DLG4: variants seen among roughly 807,000 people sequenced by gnomAD.
The protein encoded by DLG4 is disks large homolog 4.
A neutral mutation model predicts 93.8 loss-of-function variants in DLG4; 7 were observed. The observed-to-expected ratio is 0.07, with a 90% CI of 0.04 to 0.14. The LOEUF (loss-of-function observed/expected upper bound fraction) is 0.14, where lower values mean the gene tolerates loss of function less well. Ranked by LOEUF, DLG4 falls within the 10% of genes least tolerant of loss-of-function variation. The pLI, the probability that DLG4 is intolerant of heterozygous loss-of-function variation, is 1.00. For synonymous variants in DLG4, 341 were observed against 387.6 expected, an observed-to-expected ratio of 0.88 and a Z score of 1.41; for missense variants, 545 against 992.9, an observed-to-expected ratio of 0.55 and a Z score of 6.06.
chr17:7,194,604 G>T lies in DLG4; in HGVS notation c.1302-109C>A. The T allele has an allele frequency of 8.1e-7, 1 of 1,239,402 alleles. No homozygotes were observed. Among genetic ancestry groups the T allele is most frequent in the Non-Finnish European group, 1.1e-6 (1 of 906,640 alleles). The allele number at this position is 1,239,402 out of a possible 1,614,324, so 76.8% of individuals were successfully genotyped here. ...GTCTGCAGATGGCACTCCCATGGGA[G>T]CTATGGATGCCGAGGAACCCAAAAC... On this transcript the variant is annotated intron_variant, in intron 11 of 19. Transcript: ENST00000399506. The surrounding 1 kb of genome is among the most constrained non-coding windows in gnomAD (Gnocchi z 4.4).
In DLG4 at chr17:7,188,497, C is replaced by T. The variant is rs2069353802; in HGVS notation, c.*2211G>A. On this transcript the variant is annotated 3_prime_UTR_variant, in exon 20 of 20. Coordinates refer to ENST00000399506, the MANE Select transcript of DLG4 (RefSeq NM_001321075.3). ...AGGAATAGTACCCCAGCAGGTGCCC[C>T]CAAAGGTTCATCTGTGCCAAACACA... is the stretch of plus-strand genomic sequence containing the variant. Among the ~76,000 whole-genome samples the T allele has an allele frequency of 6.6e-6, 1 of 152,068 alleles. No individual in the cohort carries two copies. Among genetic ancestry groups the T allele is most frequent in the South Asian group, 2.1e-4 (1 of 4,822 alleles).
Position 7,196,176 on chromosome 17 carries a change from G to C in DLG4, c.1301+44C>G. On this transcript the variant is annotated intron_variant, in intron 11 of 19. Transcript: ENST00000399506. This position sits in a 1 kb window ranked among gnomAD's most constrained non-coding sequence, Gnocchi z 8.3. ...GCCCGGGCCAGGCACAGAGTGCCCAGGAACGCAGAGGGGCTGAGGAGTCCA... is the reference window on the plus strand; with the variant it reads ...GCCCGGGCCAGGCACAGAGTGCCCACGAACGCAGAGGGGCTGAGGAGTCCA... 1 of 1,493,730 alleles carries C rather than the reference G, an allele frequency of 6.7e-7. No homozygotes were observed. The highest frequency in any genetic ancestry group is 9.2e-7 in the Non-Finnish European group (1 of 1,082,148). The allele number at this position is 1,493,730 out of a possible 1,614,324, so 92.5% of individuals were successfully genotyped here.
rs906808498 is a variant in DLG4 at position 7,190,637 on chromosome 17, G to C, written c.*71C>G. 1 of 1,259,806 alleles carries C rather than the reference G, an allele frequency of 7.9e-7. No homozygotes were observed. 78.0% of individuals were successfully genotyped at this position (1,259,806 alleles called of 1,614,324 possible). On this transcript the variant is annotated 3_prime_UTR_variant, in exon 20 of 20. Coordinates refer to ENST00000399506, the MANE Select transcript of DLG4 (RefSeq NM_001321075.3). ...GGAGGCCGGGGGGAGCCAAGGGCTT[G>C]GGCAATTCAGTCCAGACCAAGGGCC...
rs1168961906 is a variant in DLG4 at position 7,191,364 on chromosome 17, A to T, written c.1977-6T>A. On this transcript the variant is annotated splice_polypyrimidine_tract_variant and splice_region_variant and intron_variant, in intron 18 of 19. Transcript: ENST00000399506. This position sits in a 1 kb window ranked among gnomAD's most constrained non-coding sequence, Gnocchi z 6.6. ...TGATCCGCTTGTTAATCTCTCTGTG[A>T]AGAGGGAGGGAGAGCAGGCCTGAGA... 5.6e-6 allele frequency: 9 copies of T among 1,613,374 alleles called. No homozygotes were observed. The highest frequency in any genetic ancestry group is 7.6e-6 in the Non-Finnish European group (9 of 1,179,618).
rs757800485 is a variant in DLG4, at chr17:7,203,772, G to A, written c.255C>T (p.Asn85=). Residue 85 remains asparagine (N), a synonymous_variant, in exon 5 of 20, where the codon AAC becomes AAT. Transcript: ENST00000399506. The surrounding 1 kb of genome is among the most constrained non-coding windows in gnomAD (Gnocchi z 7.2). The part of the protein sequence containing the change: ...LGFSIAGGTD[N]PHIGDDPSIF... The stretch of plus-strand genomic sequence containing the variant: ...TGGATGGGTCGTCACCGATGTGTGG[G>A]TTGTCAGTGCCACCTGCGATGCTGA... The A allele has an allele frequency of 6.2e-7, 1 of 1,613,946 alleles. No individual in the cohort carries two copies. Among genetic ancestry groups the A allele is most frequent in the East Asian group, 2.2e-5 (1 of 44,878 alleles).
At chr17:7,219,065 T>C, upstream of DLG4, 1 of 604,442 alleles carries the variant, frequency 1.7e-6, no homozygotes, top group East Asian at 2.8e-5. Flanking sequence ...CACGCTCTCC[T>C]GAGAAGCCAG....
At position 7,194,353 on chromosome 17, in the gene DLG4, T is replaced by C. The variant is rs2069660416; in HGVS notation, c.1444A>G (p.Thr482Ala). The C allele has an allele frequency of 6.2e-7, 1 of 1,607,760 alleles. No individual in the cohort carries two copies. The highest frequency in any genetic ancestry group is 1.1e-5 in the South Asian group (1 of 89,740). The stretch of plus-strand genomic sequence containing the variant: ...CTGGGGATGAACCCAATGTCGTCGG[T>C]CTCACTGTCAGAGTGGACCCGCCGT... The part of the protein sequence containing the change: ...QARRVHSDSE[T>A]DDIGFIPSKR... The change falls in exon 12 of 20, where the codon ACC (threonine) becomes GCC (alanine). Residue 482 changes from threonine to alanine, a missense_variant. Physicochemically the swap from Thr to Ala is moderately conservative, Grantham distance 58. Around this residue, in one of 5 missense-constraint regions of DLG4, gnomAD observed 428 missense variants for 741.4 expected, o/e 0.58. Transcript: ENST00000399506. The surrounding 1 kb of genome is among the most constrained non-coding windows in gnomAD (Gnocchi z 4.4).
At chr17:7,192,190 G>T (rs2069539036) in intron 17 of DLG4, 188 bp from the exon 18 acceptor site, 1 of 441,472 alleles carries the variant, frequency 2.3e-6, no homozygotes. Context: ...GTAAAAGACA[G>T]AGGGAAAGGA....
rs1250609060 is a variant in DLG4, at chr17:7,194,843, C to A, written c.1302-348G>T. On this transcript the variant is annotated intron_variant, in intron 11 of 19. Transcript: ENST00000399506. The surrounding 1 kb of genome is among the most constrained non-coding windows in gnomAD (Gnocchi z 4.4). ...TCAGGAGATTGAGACCATGGTGAAA[C>A]CCCGTCTCTACTAAAAATACAAAAT... is the stretch of plus-strand genomic sequence containing the variant. Among the ~76,000 whole-genome samples the A allele has an allele frequency of 1.3e-5, 2 of 151,904 alleles. No individual in the cohort carries two copies. The highest frequency in any genetic ancestry group is 2.1e-4 in the South Asian group (1 of 4,800).
chr17:7,205,152 C>G (rs1319904271), intron 2 of DLG4: 1 of 985,378 alleles, frequency 1.0e-6, no homozygotes, highest in Non-Finnish European at 1.2e-6. Flanking sequence ...TCCCCTACGC[C>G]CCTCACCCTA....
At chr17:7,198,069 G>A (rs1345477650) in intron 8 of DLG4, among the ~76,000 whole-genome samples, 2 of 152,254 alleles carry the variant, frequency 1.3e-5, no homozygotes, top group African/African-American at 4.8e-5. Flanking sequence ...ATTATCTAGC[G>A]CCCCATCAGC....
In DLG4 at chr17:7,202,860, C is replaced by T. The variant is rs761155097; in HGVS notation, c.787+43G>A. 9.9e-6 allele frequency: 16 copies of T among 1,610,412 alleles called. 1 individual carries two copies. The highest frequency in any genetic ancestry group is 6.6e-5 in the South Asian group (6 of 90,972). On this transcript the variant is annotated intron_variant, in intron 8 of 19. Coordinates refer to ENST00000399506, the MANE Select transcript of DLG4 (RefSeq NM_001321075.3). ...GTGGGACTGCATGTCATGGGTTAAA[C>T]GGGATGGGTCATGGGGAACTTTGGT...
chr17:7,211,168 C>CT (rs1300316556), intron 1 of DLG4, among the ~76,000 whole-genome samples: 1 of 108,366 alleles, frequency 9.2e-6, no homozygotes, highest in Non-Finnish European at 1.9e-5. Flanking sequence ...AAACTGCAGA[C>CT]TGGGGGGCTG....
upstream of DLG4, chr17:7,219,743 C>G: frequency 6.9e-7 from 1 of 1,449,044 alleles, no homozygotes. Context: ...GACTCTAGGT[C>G]GGACGGGCGG....
Position 7,190,627 on chromosome 17 carries a change from C to T in DLG4, c.*81G>A. 8.6e-7 allele frequency: 1 copy of T among 1,159,830 alleles called. No individual in the cohort carries two copies. Among genetic ancestry groups the T allele is most frequent in the East Asian group, 2.3e-5 (1 of 42,614 alleles). The allele number at this position is 1,159,830 out of a possible 1,614,324, so 71.8% of individuals were successfully genotyped here. A position where few individuals can be genotyped will look rare whatever the true frequency, so the allele number is the denominator to read the frequency against. Reference sequence around the variant, plus strand: ...GGGGTGGGAGGGAGGCCGGGGGGAGCCAAGGGCTTGGGCAATTCAGTCCAG... The same window carrying T: ...GGGGTGGGAGGGAGGCCGGGGGGAGTCAAGGGCTTGGGCAATTCAGTCCAG... On this transcript the variant is annotated 3_prime_UTR_variant, in exon 20 of 20. Transcript: ENST00000399506.
At position 7,190,440 on chromosome 17, in the gene DLG4, CGGGGA is replaced by C. The variant is rs1268194633; in HGVS notation, c.*263_*267del. 4.3e-6 allele frequency: 2 copies of C among 465,126 alleles called. No homozygotes were observed. Among genetic ancestry groups the C allele is most frequent in the Non-Finnish European group, 7.9e-6 (2 of 253,524 alleles). 28.8% of individuals were successfully genotyped at this position (465,126 alleles called of 1,614,324 possible). A position where few individuals can be genotyped will look rare whatever the true frequency, so the allele number is the denominator to read the frequency against. ...TGTGTGCATTGGGGGCAGGTGGGGG[CGGGGA>C]TCCTAAGGAGCAAGGGCTCGGAACA... On this transcript the variant is annotated 3_prime_UTR_variant, in exon 20 of 20. Transcript: ENST00000399506.
intron 2 of DLG4, among the ~76,000 whole-genome samples, chr17:7,205,965 A>T (rs1057129877): frequency 2.0e-5 from 3 of 151,114 alleles, no homozygotes; most frequent in African/African-American, 7.3e-5. Flanking sequence ...CACATGCTCC[A>T]TCTCCATCCC....
At position 7,203,969 on chromosome 17, in the gene DLG4, G is replaced by A. The variant is rs753416095; in HGVS notation, c.210+39C>T. 73 of 1,604,604 alleles carry A rather than the reference G, an allele frequency of 4.5e-5. No individual in the cohort carries two copies. Among genetic ancestry groups the A allele is most frequent in the Non-Finnish European group, 5.5e-5 (65 of 1,175,576 alleles). On this transcript the variant is annotated intron_variant, in intron 4 of 19. Coordinates refer to ENST00000399506, the MANE Select transcript of DLG4 (RefSeq NM_001321075.3). The surrounding 1 kb of genome is among the most constrained non-coding windows in gnomAD (Gnocchi z 7.2). ...ACATGGCAGAAAGAAAGGTACAGAC[G>A]GGAGGCCACGGGGACTGCCGATGGA... is the stretch of plus-strand genomic sequence containing the variant.
At position 7,208,049 on chromosome 17, in the gene DLG4, G is replaced by A; in HGVS notation, c.96+125C>T. The A allele has an allele frequency of 7.7e-7, 1 of 1,298,946 alleles. No homozygotes were observed. Among genetic ancestry groups the A allele is most frequent in the East Asian group, 2.8e-5 (1 of 35,362 alleles). 80.5% of individuals were successfully genotyped at this position (1,298,946 alleles called of 1,614,324 possible). On this transcript the variant is annotated intron_variant, in intron 2 of 19. Coordinates refer to ENST00000399506, the MANE Select transcript of DLG4 (RefSeq NM_001321075.3). This position sits in a 1 kb window ranked among gnomAD's most constrained non-coding sequence, Gnocchi z 5.4. ...CTCCGAGGCTCCGAGGGCCGCACTG[G>A]GGAGGGGGCCACCAGGGTCTCCTAC...
Sources: allele counts gnomAD v4.1 joint callset (sites outside exome capture counted in the v4.1 genomes callset), GRCh38; gene constraint gnomAD v4.1.1; regional missense constraint gnomAD v4.1.1; non-coding constraint Gnocchi (gnomAD v3.1); transcripts MANE v1.5; gene names NCBI Gene and HGNC (gene_info 2026-07-23, HGNC 2026-07-21).